Variants in ATF6 observed in about 807,000 individuals in gnomAD.
The protein encoded by ATF6 is activating transcription factor 6, also known as cyclic AMP-dependent transcription factor ATF-6 alpha.
In ATF6, 53 loss-of-function variants were observed where a neutral mutation model predicts 83.6. The ratio of observed to expected loss-of-function variants is 0.63; its 90% CI spans 0.51 to 0.80. The LOEUF (loss-of-function observed/expected upper bound fraction) is 0.80. Among genes scored for constraint, ATF6 ranks in the 30% least tolerant of loss-of-function variants. The pLI, the probability that ATF6 is intolerant of heterozygous loss-of-function variation, is 0.00. For missense variants in ATF6, 744 were observed against 797.9 expected (o/e 0.93, Z 0.81); for synonymous variants, 288 against 285.8 (o/e 1.01, Z -0.08).
At chr1:161,794,147 G>A (rs1284605273) in intron 6 of ATF6, among the ~76,000 whole-genome samples, 3 of 152,140 alleles carry the variant, frequency 2.0e-5, no homozygotes, top group South Asian at 4.2e-4. Flanking sequence ...CCTCGTAATC[G>A]CCTGCCTCGG....
chr1:161,801,249 G>A (rs1306478003), intron 6 of ATF6, among the ~76,000 whole-genome samples: 1 of 152,022 alleles, frequency 6.6e-6, no homozygotes, highest in Non-Finnish European at 1.5e-5. Context: ...GGGGAAGAGG[G>A]AAAGGGCTGG....
chr1:161,903,912 G>C (rs939899584), intron 14 of ATF6, among the ~76,000 whole-genome samples: 1 of 152,166 alleles, frequency 6.6e-6, no homozygotes. Context: ...CTTGTTAATA[G>C]TGAAAAATTC....
At chr1:161,770,098 G>C (rs780121625) in intron 1 of ATF6, among the ~76,000 whole-genome samples, 11 of 152,000 alleles carry the variant, frequency 7.2e-5, no homozygotes, top group Non-Finnish European at 1.3e-4. Context: ...CCTACCTCTG[G>C]TCAGGTAACC....
intron 1 of ATF6, among the ~76,000 whole-genome samples, chr1:161,773,328 G>A (rs1684438617): frequency 6.6e-6 from 1 of 151,836 alleles, no homozygotes; most frequent in South Asian, 2.1e-4. Context: ...TAGTAGAGAC[G>A]GGGTTTCACC....
intron 6 of ATF6, among the ~76,000 whole-genome samples, chr1:161,795,830 C>G (rs1360045573): frequency 6.6e-6 from 1 of 152,178 alleles, no homozygotes; most frequent in Non-Finnish European, 1.5e-5. Flanking sequence ...TCAGCATTTA[C>G]CAAGTCACCA....
intron 15 of ATF6, among the ~76,000 whole-genome samples, chr1:161,945,222 C>A (rs917824764): frequency 6.6e-6 from 1 of 152,140 alleles, no homozygotes; most frequent in Non-Finnish European, 1.5e-5. Context: ...AAGAATGGCA[C>A]GTTAATTACA....
At chr1:161,890,306 C>T (rs895217091) in intron 14 of ATF6, among the ~76,000 whole-genome samples, 1 of 152,150 alleles carries the variant, frequency 6.6e-6, no homozygotes, top group African/African-American at 2.4e-5. Context: ...GATTTAAATA[C>T]CACAGTGAAA....
intron 14 of ATF6, among the ~76,000 whole-genome samples, chr1:161,904,910 A>G (rs1328671827): frequency 2.0e-5 from 3 of 152,240 alleles, no homozygotes; most frequent in Non-Finnish European, 2.9e-5. Context: ...TACATAAAGC[A>G]TATTATGGTT....
intron 15 of ATF6, among the ~76,000 whole-genome samples, chr1:161,957,283 T>C (rs935448606): frequency 9.9e-5 from 15 of 152,196 alleles, no homozygotes; most frequent in African/African-American, 3.4e-4. Flanking sequence ...TGTGTCATCT[T>C]TGTAGAAAGG....
At chr1:161,807,865 CTTTTTTTTTTTTTTT>C (rs761462420) in intron 7 of ATF6, among the ~76,000 whole-genome samples, 11 of 32,348 alleles carry the variant, frequency 3.4e-4, no homozygotes, top group East Asian at 1.2e-3. Context: ...AGTTTGTCAT[CTTTTTTTTTTTTTTT>C]TTTTTTTTTT....
At position 161,819,884 on chromosome 1, in the gene ATF6, A is replaced by G. The variant is rs942618296; in HGVS notation, c.1095+66A>G. ...TATCCTCTGGATTAATAAATAGAGA[A>G]ACTTTTACATTTTAAATTAAATTAT... On this transcript the variant is annotated intron_variant, in intron 8 of 15. Transcript: ENST00000367942. 2.3e-6 allele frequency: 3 copies of G among 1,331,350 alleles called. No homozygotes were observed. In the African/African-American group the frequency reaches 4.6e-5, roughly 20 times the overall value. The allele number at this position is 1,331,350 out of a possible 1,614,324, so 82.5% of individuals were successfully genotyped here.
chr1:161,931,341 G>A (rs1223445057), intron 15 of ATF6, among the ~76,000 whole-genome samples: 3 of 152,062 alleles, frequency 2.0e-5, no homozygotes, highest in East Asian at 1.9e-4. Flanking sequence ...GAGAAAAACT[G>A]GCTAACATCC....
rs1689111473 is a variant in ATF6 at position 161,962,047 on chromosome 1, C to T, written c.*3393C>T. On this transcript the variant is annotated 3_prime_UTR_variant, in exon 16 of 16. Coordinates refer to ENST00000367942, the MANE Select transcript of ATF6 (RefSeq NM_007348.4). Reference sequence around the variant, plus strand: ...TGCCATGCTTGTAGTACAGAAACTTCACATGGAGTTTTGGGTGGGATTTGT... The same window carrying T: ...TGCCATGCTTGTAGTACAGAAACTTTACATGGAGTTTTGGGTGGGATTTGT... The T allele has an allele frequency of 6.6e-6, 1 of 152,096 alleles. No homozygotes were observed. Among genetic ancestry groups the T allele is most frequent in the Admixed American group, 6.5e-5 (1 of 15,276 alleles). The allele number at this position is 152,096 out of a possible 1,614,324, so 9.4% of individuals were successfully genotyped here. A position where few individuals can be genotyped will look rare whatever the true frequency, so the allele number is the denominator to read the frequency against.
chr1:161,942,688 TAAGC>T (rs1688671887), intron 15 of ATF6, among the ~76,000 whole-genome samples: 1 of 152,222 alleles, frequency 6.6e-6, no homozygotes, highest in Admixed American at 6.5e-5. Flanking sequence ...CACTTTGAAA[TAAGC>T]AAGTCACTAA....
intron 15 of ATF6, among the ~76,000 whole-genome samples, chr1:161,933,565 G>A (rs1688476828): frequency 6.6e-6 from 1 of 152,202 alleles, no homozygotes; most frequent in South Asian, 2.1e-4. Context: ...ACATGCAAAA[G>A]AATATTTTTT....
chr1:161,831,793 G>C (rs1374582886), intron 9 of ATF6, among the ~76,000 whole-genome samples: 1 of 132,110 alleles, frequency 7.6e-6, no homozygotes, highest in East Asian at 2.7e-4. Context: ...TGGGGCCTGT[G>C]GTGGGGTCGG....
chr1:161,831,826 C>T (rs1217145550), intron 9 of ATF6, among the ~76,000 whole-genome samples: 2 of 151,328 alleles, frequency 1.3e-5, no homozygotes, highest in African/African-American at 2.4e-5. Flanking sequence ...GGATAGCATT[C>T]AGAGATACAC....
At chr1:161,890,702 T>TG (rs1687533132) in intron 14 of ATF6, 1 of 152,268 alleles carries the variant, frequency 6.6e-6, no homozygotes, top group African/African-American at 2.4e-5. Flanking sequence ...CACACAGAGC[T>TG]TTGGTAGGGC....
At chr1:161,825,154 C>T (rs1685862821) in intron 9 of ATF6, among the ~76,000 whole-genome samples, 1 of 152,158 alleles carries the variant, frequency 6.6e-6, no homozygotes, top group South Asian at 2.1e-4. Context: ...TAGCTCACTG[C>T]AGCCTCCATC....
Sources: gnomAD v4.1 joint callset for allele counts (sites outside exome capture counted in the v4.1 genomes callset) on GRCh38, gnomAD v4.1.1 for gene constraint, MANE v1.5 for transcripts, NCBI Gene and HGNC (gene_info 2026-07-23, HGNC 2026-07-21) for gene names.